Variants in DCC observed in about 807,000 individuals in gnomAD.
DCC encodes the protein netrin receptor DCC.
In DCC, 58 loss-of-function variants were observed where a neutral mutation model predicts 172.5. The ratio of observed to expected loss-of-function variants is 0.34; its 90% CI spans 0.27 to 0.42. The LOEUF (loss-of-function observed/expected upper bound fraction) is 0.42. DCC is among the 10% of genes least tolerant of loss of function. DCC has a pLI of 1.00. For synonymous variants in DCC, 709 were observed against 644.5 expected (o/e 1.10, Z -1.52); for missense variants, 1,740 against 1,791.0 (o/e 0.97, Z 0.51).
chr18:53,037,418 G>T (rs1273980985), intron 5 of DCC, among the ~76,000 whole-genome samples: 8 of 151,966 alleles, frequency 5.3e-5, no homozygotes, highest in African/African-American at 1.7e-4. Context: ...GTCCACAAGT[G>T]AGGGTAGACA....
At chr18:52,899,536 A>G (rs1346669583) in intron 2 of DCC, among the ~76,000 whole-genome samples, 1 of 151,166 alleles carries the variant, frequency 6.6e-6, no homozygotes, top group African/African-American at 2.4e-5. Context: ...TGTATTTTTG[A>G]TAGAGACGGG....
intron 7 of DCC, among the ~76,000 whole-genome samples, chr18:53,099,564 T>C (rs1045620314): frequency 6.6e-6 from 1 of 152,164 alleles, no homozygotes; most frequent in African/African-American, 2.4e-5. Flanking sequence ...TTTCCTATTC[T>C]GTGAAATGGA....
At chr18:53,369,051 A>G (rs2058033550) in intron 15 of DCC, among the ~76,000 whole-genome samples, 1 of 151,994 alleles carries the variant, frequency 6.6e-6, no homozygotes, top group African/African-American at 2.4e-5. Context: ...ACAATGTTAT[A>G]GTTCTTCTAG....
intron 1 of DCC, among the ~76,000 whole-genome samples, chr18:52,565,258 G>T (rs2033132355): frequency 6.6e-6 from 1 of 152,118 alleles, no homozygotes; most frequent in African/African-American, 2.4e-5. Flanking sequence ...CATTTGGGTT[G>T]GTTCCAAGTC....
intron 8 of DCC, among the ~76,000 whole-genome samples, chr18:53,177,281 GTAAC>G (rs1359576769): frequency 3.3e-5 from 5 of 151,920 alleles, no homozygotes; most frequent in African/African-American, 7.3e-5. Flanking sequence ...GTATACATAT[GTAAC>G]TAACCTGCAC....
chr18:53,087,697 T>A (rs1479011910), intron 7 of DCC, among the ~76,000 whole-genome samples: 1 of 151,824 alleles, frequency 6.6e-6, no homozygotes, highest in South Asian at 2.1e-4. Flanking sequence ...TCCTGAATGG[T>A]AATGCCTAGG....
At chr18:52,756,442 C>T (rs1265256860) in intron 2 of DCC, among the ~76,000 whole-genome samples, 2 of 152,198 alleles carry the variant, frequency 1.3e-5, no homozygotes, top group African/African-American at 4.8e-5. Flanking sequence ...TACTCCTCCT[C>T]CTTCTTCACT....
chr18:53,169,820 T>G (rs1450055039), intron 8 of DCC, among the ~76,000 whole-genome samples: 1 of 152,168 alleles, frequency 6.6e-6, no homozygotes, highest in Non-Finnish European at 1.5e-5. Context: ...CCCAGTGTGC[T>G]TATCTGCCCA....
At chr18:53,416,089 A>G (rs758350786) in intron 20 of DCC, 35 bp from the exon 21 acceptor site, 1 of 1,565,708 alleles carries the variant, frequency 6.4e-7, no homozygotes, top group Non-Finnish European at 8.8e-7. Flanking sequence ...AGGAACTGTC[A>G]AAGTCTAATA....
chr18:52,495,624 G>A (rs891800763), intron 1 of DCC, among the ~76,000 whole-genome samples: 4 of 152,066 alleles, frequency 2.6e-5, no homozygotes, highest in South Asian at 2.1e-4. Context: ...CATCTTGCCC[G>A]AAACAGCAGA....
At chr18:53,512,303 C>T (rs1389714908) in intron 27 of DCC, among the ~76,000 whole-genome samples, 4 of 148,972 alleles carry the variant, frequency 2.7e-5, no homozygotes, top group African/African-American at 9.9e-5. Context: ...CACCAAAAAC[C>T]CATCTGTACA....
At chr18:52,907,044 T>A (rs1375110568) in intron 3 of DCC, among the ~76,000 whole-genome samples, 1 of 151,776 alleles carries the variant, frequency 6.6e-6, no homozygotes, top group Non-Finnish European at 1.5e-5. Context: ...TGACAACACT[T>A]ACATTTCATC....
chr18:52,654,092 A>C (rs566392273), intron 1 of DCC, among the ~76,000 whole-genome samples: 31 of 152,238 alleles, frequency 2.0e-4, no homozygotes, highest in Non-Finnish European at 3.8e-4. Context: ...AAACCTTAAA[A>C]GTAGTACCAG....
intron 2 of DCC, chr18:52,818,195 T>C (rs1285448614): frequency 1.3e-5 from 2 of 152,032 alleles, no homozygotes; most frequent in Admixed American, 1.3e-4. Flanking sequence ...CTGGGCAACA[T>C]ATAGTAAGAC....
chr18:53,454,416 C>G (rs1023752681), intron 23 of DCC, among the ~76,000 whole-genome samples: 1 of 152,190 alleles, frequency 6.6e-6, no homozygotes, highest in Non-Finnish European at 1.5e-5. Flanking sequence ...AAGGCAATAA[C>G]ATTTTCTCGC....
chr18:52,643,968 T>TTC (rs369549742), intron 1 of DCC, among the ~76,000 whole-genome samples: 1 of 151,670 alleles, frequency 6.6e-6, no homozygotes, highest in Non-Finnish European at 1.5e-5. Flanking sequence ...GTTTTTTTTT[T>TTC]CTTCCTCTTC....
chr18:53,367,289 CCT>C lies in DCC; in HGVS notation c.2360-18750_2360-18749del, dbSNP rs143014626. ...CTTCAAAGAAAAAAATGAGTATAGC[CCT>C]CTCATTTCAAGAGACGTTCAATAAA... On this transcript the variant is annotated intron_variant, in intron 15 of 28. Coordinates refer to ENST00000442544, the MANE Select transcript of DCC (RefSeq NM_005215.4). Among the ~76,000 whole-genome samples, 1,212 of 151,838 alleles carry C rather than the reference CCT, an allele frequency of 8.0e-3. 22 individuals carry two copies. Among genetic ancestry groups the C allele is most frequent in the African/African-American group, 0.028 (1,153 of 41,412 alleles).
At chr18:52,806,343 A>G (rs116318675) in intron 2 of DCC, among the ~76,000 whole-genome samples, 2,060 of 152,280 alleles carry the variant, frequency 0.014, 41 homozygotes, top group African/African-American at 0.047. Context: ...TATCACCCAC[A>G]TTCCATAGTT....
intron 25 of DCC, among the ~76,000 whole-genome samples, chr18:53,472,304 T>G (rs1254711669): frequency 6.6e-6 from 1 of 152,144 alleles, no homozygotes; most frequent in East Asian, 1.9e-4. Context: ...ATAGCCAGAA[T>G]TTGGACTCAA....
Sources: gnomAD v4.1 joint callset for allele counts (sites outside exome capture counted in the v4.1 genomes callset) on GRCh38, gnomAD v4.1.1 for gene constraint, MANE v1.5 for transcripts, NCBI Gene and HGNC (gene_info 2026-07-23, HGNC 2026-07-21) for gene names.